The following GRID2IP variants were observed in gnomAD, a reference collection of about 807,000 sequenced individuals.
The protein encoded by GRID2IP is Grid2 interacting protein.
A neutral mutation model predicts 114.3 loss-of-function variants in GRID2IP; 78 were observed. That is an observed-to-expected ratio of 0.68 (90% CI 0.57 to 0.82). The LOEUF (loss-of-function observed/expected upper bound fraction) is 0.82. GRID2IP is among the 40% of genes least tolerant of loss of function. The pLI, the probability that GRID2IP is intolerant of heterozygous loss-of-function variation, is 0.00. For missense variants in GRID2IP, 1,727 were observed against 1,678.5 expected (o/e 1.03, Z -0.51); for synonymous variants, 809 against 724.0 (o/e 1.12, Z -1.89).
chr7:6,501,751 T>G (rs1214436922), intron 20 of GRID2IP, 30 bp downstream of exon 20: 5 of 1,499,528 alleles, frequency 3.3e-6, no homozygotes, highest in Non-Finnish European at 4.5e-6. Context: ...GGATCCAGCC[T>G]GGTGCAGGAA....
chr7:6,535,180 G>A (rs71531401), intron 2 of GRID2IP, among the ~76,000 whole-genome samples: 9 of 144,224 alleles, frequency 6.2e-5, no homozygotes, highest in African/African-American at 1.3e-4. Flanking sequence ...CCACCGCGCC[G>A]GGCCTTGCCC....
Position 6,509,068 on chromosome 7 carries a change from G to A in GRID2IP, c.2017C>T (p.Pro673Ser), listed in dbSNP as rs1786682990. The change falls in exon 12 of 22, where the codon CCT becomes TCT. Residue 673 changes from proline to serine, a missense_variant. Coordinates refer to ENST00000457091, the MANE Select transcript of GRID2IP (RefSeq NM_001145118.2). This position sits in a 1 kb window ranked among gnomAD's most constrained non-coding sequence, Gnocchi z 4.9. ...CGGTCAGTATCGCGGCTTCGCACAG[G>A]GTGGGAGAAGGTGAAGAGCTTCCTG... ...SRRKLFTFSH[P>S]VRSRDTDRFL... 6.6e-7 allele frequency: 1 copy of A among 1,523,218 alleles called. No homozygotes were observed. 94.4% of individuals were successfully genotyped at this position (1,523,218 alleles called of 1,614,324 possible).
At position 6,513,857 on chromosome 7, in the gene GRID2IP, AG is replaced by A. The variant is rs563561385; in HGVS notation, c.1423+517del. ...CTGTGCTTTGGGAGGCCGGAGTGGG[AG>A]GATCACTTGAGCCCAGGAGGTTGAG... On this transcript the variant is annotated intron_variant, in intron 8 of 21. Coordinates refer to ENST00000457091, the MANE Select transcript of GRID2IP (RefSeq NM_001145118.2). Among the ~76,000 whole-genome samples, 732 of 140,872 alleles carry A rather than the reference AG, an allele frequency of 5.2e-3. 6 individuals carry two copies. The highest frequency in any genetic ancestry group is 0.013 in the Middle Eastern group (3 of 224). The allele number at this position is 140,872 out of a possible 152,430, so 92.4% of individuals were successfully genotyped here.
rs943151536 is a variant in GRID2IP at position 6,497,044 on chromosome 7, A to G, written c.*730T>C. ...GTGAGAAGTCTGGCAGTTGGCCACC[A>G]GATCCTGCTCACCTCCTGCCTCAAC... is the stretch of plus-strand genomic sequence containing the variant. On this transcript the variant is annotated 3_prime_UTR_variant, in exon 22 of 22. Coordinates refer to ENST00000457091, the MANE Select transcript of GRID2IP (RefSeq NM_001145118.2). Among the ~76,000 whole-genome samples the G allele has an allele frequency of 6.6e-6, 1 of 152,172 alleles. No homozygotes were observed. Among genetic ancestry groups the G allele is most frequent in the Non-Finnish European group, 1.5e-5 (1 of 68,026 alleles).
intron 1 of GRID2IP, among the ~76,000 whole-genome samples, chr7:6,542,777 C>T (rs993971459): frequency 1.3e-5 from 2 of 152,132 alleles, no homozygotes; most frequent in Admixed American, 6.6e-5. Flanking sequence ...GTGTTACAAT[C>T]CTGTGAATAT....
chr7:6,547,784 G>C (rs992951210), intron 1 of GRID2IP, among the ~76,000 whole-genome samples: 5 of 152,164 alleles, frequency 3.3e-5, no homozygotes, highest in African/African-American at 1.2e-4. Flanking sequence ...AGACACTCCT[G>C]AGGGGGTTAA....
At chr7:6,510,817 C>T in intron 9 of GRID2IP, 91 bp downstream of exon 9, 2 of 1,480,992 alleles carry the variant, frequency 1.4e-6, no homozygotes, top group Non-Finnish European at 1.8e-6. Flanking sequence ...CTGCTTAGCC[C>T]CATTCCCTGG....
At position 6,508,197 on chromosome 7, in the gene GRID2IP, G is replaced by T; in HGVS notation, c.2332C>A (p.Arg778=). The T allele has an allele frequency of 6.6e-7, 1 of 1,516,104 alleles. No homozygotes were observed. Among genetic ancestry groups the T allele is most frequent in the Non-Finnish European group, 8.8e-7 (1 of 1,131,406 alleles). 93.9% of individuals were successfully genotyped at this position (1,516,104 alleles called of 1,614,324 possible). The part of the protein sequence containing the change: ...KPSSRSSDGS[R]GPAQALAKPL... The stretch of plus-strand genomic sequence containing the variant: ...TTGGCCAGCGCCTGAGCAGGGCCCC[G>T]GGAACCATCAGAGCTGCGGGAGCTG... The change falls in exon 13 of 22, where the codon CGG becomes AGG. Residue 778 remains arginine, a synonymous_variant. Transcript: ENST00000457091. The surrounding 1 kb of genome is among the most constrained non-coding windows in gnomAD (Gnocchi z 5.6).
rs1314089071 is a variant in GRID2IP at position 6,509,960 on chromosome 7, T to A, written c.1771+323A>T. On this transcript the variant is annotated intron_variant, in intron 11 of 21. Transcript: ENST00000457091. The surrounding 1 kb of genome is among the most constrained non-coding windows in gnomAD (Gnocchi z 4.9). ...CCTCCCGCCTCAGCCTCTTGAGGAG[T>A]TGGGACTACAGGCATATGCAACCAT... is the stretch of plus-strand genomic sequence containing the variant. Among the ~76,000 whole-genome samples, 1 of 151,884 alleles carries A rather than the reference T, an allele frequency of 6.6e-6. No homozygotes were observed. Among genetic ancestry groups the A allele is most frequent in the African/African-American group, 2.4e-5 (1 of 41,304 alleles).
At chr7:6,518,091 T>C (rs933950540) in intron 7 of GRID2IP, among the ~76,000 whole-genome samples, 4 of 148,090 alleles carry the variant, frequency 2.7e-5, no homozygotes, top group African/African-American at 7.4e-5. Flanking sequence ...TAGCTGGGCA[T>C]GGTAGGCGAG....
Position 6,508,950 on chromosome 7 carries a change from G to T in GRID2IP, c.2127+8C>A. 1 of 1,544,016 alleles carries T rather than the reference G, an allele frequency of 6.5e-7. No individual in the cohort carries two copies. ...CCCGCCTCCCTCCACACCTGCTTGC[G>T]TGCCCACCTCCTCGTAGTCGTTCTC... On this transcript the variant is annotated splice_region_variant and intron_variant, in intron 12 of 21. Coordinates refer to ENST00000457091, the MANE Select transcript of GRID2IP (RefSeq NM_001145118.2). The surrounding 1 kb of genome is among the most constrained non-coding windows in gnomAD (Gnocchi z 5.6).
Position 6,503,216 on chromosome 7 carries a change from C to A in GRID2IP, c.2908-53G>T, listed in dbSNP as rs561745257. ...CCCATCCCCTTCCTGGGACCCTCTG[C>A]CCCACCGCAGGCTTTGGGGTGGGAG... On this transcript the variant is annotated intron_variant, in intron 16 of 21. Coordinates refer to ENST00000457091, the MANE Select transcript of GRID2IP (RefSeq NM_001145118.2). 698 of 1,431,750 alleles carry A rather than the reference C, an allele frequency of 4.9e-4. 3 individuals carry two copies. The African/African-American group carries it at 8.1e-3, about 17-fold the overall frequency. 88.7% of individuals were successfully genotyped at this position (1,431,750 alleles called of 1,614,324 possible).
At chr7:6,550,657 C>CAAA (rs71008400) in intron 1 of GRID2IP, among the ~76,000 whole-genome samples, 27 of 97,084 alleles carry the variant, frequency 2.8e-4, no homozygotes, top group African/African-American at 8.5e-4. Flanking sequence ...CTAAAAATAC[C>CAAA]AAAAAAAAAA....
chr7:6,531,207 CGCGCGCGGCCCCTCCCGAGCCGTCCCG>C (rs1475688725), intron 2 of GRID2IP: 3 of 446,486 alleles, frequency 6.7e-6, no homozygotes, highest in Admixed American at 4.4e-5. Context: ...GCCCTGCGAG[CGCGCGCGGCCCCTCCCGAGCCGTCCCG>C]GCCCGCAGCC....
intron 4 of GRID2IP, among the ~76,000 whole-genome samples, chr7:6,522,404 T>C (rs745843136): frequency 4.6e-5 from 7 of 152,114 alleles, no homozygotes; most frequent in Non-Finnish European, 7.4e-5. Context: ...TCAGTACTTC[T>C]TGAGTCCCTG....
Position 6,534,292 on chromosome 7 carries a change from A to G in GRID2IP, c.584+5426T>C, listed in dbSNP as rs1247106437. On this transcript the variant is annotated intron_variant, in intron 2 of 21. Transcript: ENST00000457091. The surrounding 1 kb of genome is among the most constrained non-coding windows in gnomAD (Gnocchi z 4.5). ...GACACCCCGTTCCCCCCACGCCACC[A>G]CTCATATTTCCTGAAACGCTAGCGG... Among the ~76,000 whole-genome samples the G allele has an allele frequency of 6.6e-6, 1 of 150,938 alleles. No individual in the cohort carries two copies. Among genetic ancestry groups the G allele is most frequent in the Non-Finnish European group, 1.5e-5 (1 of 67,802 alleles).
At position 6,532,950 on chromosome 7, in the gene GRID2IP, G is replaced by A. The variant is rs1348575181; in HGVS notation, c.585-6181C>T. Among the ~76,000 whole-genome samples the A allele has an allele frequency of 6.6e-6, 1 of 152,188 alleles. No homozygotes were observed. The highest frequency in any genetic ancestry group is 6.5e-5 in the Admixed American group (1 of 15,270). Reference sequence around the variant, plus strand: ...CATGAGGTGGTCACCCAGTCACTAGGTGATCACCAGGGGACAGGCAACAGC... The same window carrying A: ...CATGAGGTGGTCACCCAGTCACTAGATGATCACCAGGGGACAGGCAACAGC... On this transcript the variant is annotated intron_variant, in intron 2 of 21. Coordinates refer to ENST00000457091, the MANE Select transcript of GRID2IP (RefSeq NM_001145118.2). The surrounding 1 kb of genome is among the most constrained non-coding windows in gnomAD (Gnocchi z 4.4).
At position 6,519,151 on chromosome 7, in the gene GRID2IP, A is replaced by G. The variant is rs1179244311; in HGVS notation, c.1268+1427T>C. Reference sequence around the variant, plus strand: ...AGACTGGTTTTGAACTCCTGGGCTCAAGCGATCCTCCTGCCTCAGCCTCCC... The same window carrying G: ...AGACTGGTTTTGAACTCCTGGGCTCGAGCGATCCTCCTGCCTCAGCCTCCC... On this transcript the variant is annotated intron_variant, in intron 7 of 21. Coordinates refer to ENST00000457091, the MANE Select transcript of GRID2IP (RefSeq NM_001145118.2). This position sits in a 1 kb window ranked among gnomAD's most constrained non-coding sequence, Gnocchi z 4.1. Among the ~76,000 whole-genome samples, 2 of 152,072 alleles carry G rather than the reference A, an allele frequency of 1.3e-5. No homozygotes were observed. Among genetic ancestry groups the G allele is most frequent in the African/African-American group, 4.8e-5 (2 of 41,412 alleles).
chr7:6,512,071 C>T (rs1013077677), intron 8 of GRID2IP, among the ~76,000 whole-genome samples: 9 of 151,186 alleles, frequency 6.0e-5, no homozygotes, highest in Admixed American at 1.3e-4. Context: ...CCATGCCTGG[C>T]TAAATTTTTG....
Sources: allele counts gnomAD v4.1 joint callset (sites outside exome capture counted in the v4.1 genomes callset), GRCh38; gene constraint gnomAD v4.1.1; non-coding constraint Gnocchi (gnomAD v3.1); transcripts MANE v1.5; gene names NCBI Gene and HGNC (gene_info 2026-07-23, HGNC 2026-07-21).